Variants in AUTS2 observed in about 807,000 individuals in gnomAD.
AUTS2 encodes autism susceptibility gene 2 protein.
In AUTS2, 17 loss-of-function variants were observed where a neutral mutation model predicts 112.4. The observed-to-expected ratio is 0.15, with a 90% confidence interval of 0.10 to 0.23. The LOEUF is 0.23. Among genes scored for constraint, AUTS2 ranks in the 10% least tolerant of loss-of-function variants. The pLI is 1.00. For missense variants in AUTS2, 1,510 were observed against 1,701.6 expected, an observed-to-expected ratio of 0.89 and a Z score of 1.98; for synonymous variants, 751 against 702.7, an observed-to-expected ratio of 1.07 and a Z score of -1.09.
At chr7:70,632,606 C>T (rs1461118539) in intron 5 of AUTS2, among the ~76,000 whole-genome samples, 1 of 151,994 alleles carries the variant, frequency 6.6e-6, no homozygotes, top group African/African-American at 2.4e-5. Context: ...CTCTGGCTCC[C>T]ACGTCTTCCC....
rs187213804 is a variant in AUTS2 at position 70,153,003 on chromosome 7, C to T, written c.660+18432C>T. On this transcript the variant is annotated intron_variant, in intron 4 of 18. Coordinates refer to ENST00000342771, the MANE Select transcript of AUTS2 (RefSeq NM_015570.4). ...TTAAAGATACAACCAATTGAGAGAA[C>T]AGTTTGATAATTTATTAAAATGTTA... is the stretch of plus-strand genomic sequence containing the variant. Among the ~76,000 whole-genome samples, 24 of 152,172 alleles carry T rather than the reference C, an allele frequency of 1.6e-4. No homozygotes were observed. In the East Asian group the frequency reaches 4.1e-3, roughly 26 times the overall value.
chr7:69,941,303 G>A (rs1055609185), intron 2 of AUTS2, among the ~76,000 whole-genome samples: 3 of 152,156 alleles, frequency 2.0e-5, no homozygotes, highest in African/African-American at 7.2e-5. Flanking sequence ...CATCTATAAG[G>A]AATTGCCACT....
rs76603545 is a variant in AUTS2 at position 70,568,249 on chromosome 7, C to G, written c.691-130320C>G. On this transcript the variant is annotated intron_variant, in intron 5 of 18. Coordinates refer to ENST00000342771, the MANE Select transcript of AUTS2 (RefSeq NM_015570.4). ...TGAGTTCATGTGTTAGCTGTGGAGCCAGCCTGCCTGAATTTGAATCCTGAC... is the reference window on the plus strand; with the variant it reads ...TGAGTTCATGTGTTAGCTGTGGAGCGAGCCTGCCTGAATTTGAATCCTGAC... 3.3e-5 allele frequency among the ~76,000 whole-genome samples: 5 copies of G among 152,250 alleles called. No individual in the cohort carries two copies. In the East Asian group the frequency reaches 9.6e-4, roughly 29 times the overall value.
intron 4 of AUTS2, among the ~76,000 whole-genome samples, chr7:70,138,258 A>G (rs1806675723): frequency 6.6e-6 from 1 of 152,244 alleles, no homozygotes; most frequent in South Asian, 2.1e-4. Context: ...GCCCTAGCAT[A>G]TATGAACACA....
rs536983127 is a variant in AUTS2, at chr7:70,645,768, CTA to C, written c.691-52799_691-52798del. ...TAGTGTTAGCGTACTGTGCTGTATT[CTA>C]TGTCACAAATCATCAAGTCTCCCAG... On this transcript the variant is annotated intron_variant, in intron 5 of 18. Transcript: ENST00000342771. Among the ~76,000 whole-genome samples, 7 of 152,268 alleles carry C rather than the reference CTA, an allele frequency of 4.6e-5. 1 individual carries two copies. The South Asian group carries it at 1.5e-3, about 32-fold the overall frequency.
At chr7:70,368,763 CAGAACAATG>C (rs1792701650) in intron 4 of AUTS2, among the ~76,000 whole-genome samples, 1 of 151,978 alleles carries the variant, frequency 6.6e-6, no homozygotes, top group South Asian at 2.1e-4. Context: ...TGCTCAAGAC[CAGAACAATG>C]AGTAGAGCTA....
At chr7:69,937,922 A>T (rs1796477994) in intron 2 of AUTS2, among the ~76,000 whole-genome samples, 1 of 152,154 alleles carries the variant, frequency 6.6e-6, no homozygotes, top group African/African-American at 2.4e-5. Flanking sequence ...GGAGAGGCAG[A>T]GTGCACTAGA....
At position 70,049,209 on chromosome 7, in the gene AUTS2, A is replaced by G. The variant is rs575416655; in HGVS notation, c.523-68923A>G. On this transcript the variant is annotated intron_variant, in intron 2 of 18. Transcript: ENST00000342771. ...ACTTATAGGCTGTTTCAAATTTTTA[A>G]TTTATATAGTCACATTTCAATGAAC... Among the ~76,000 whole-genome samples the G allele has an allele frequency of 3.3e-5, 5 of 152,286 alleles. No homozygotes were observed. In the East Asian group the frequency reaches 9.7e-4, roughly 29 times the overall value.
chr7:70,365,374 A>G (rs1228538614), intron 4 of AUTS2, among the ~76,000 whole-genome samples: 2 of 152,228 alleles, frequency 1.3e-5, no homozygotes, highest in Non-Finnish European at 2.9e-5. Flanking sequence ...TATTAAGGGA[A>G]ATAAAGCTCA....
At chr7:70,419,148 T>G (rs931125401) in intron 4 of AUTS2, among the ~76,000 whole-genome samples, 1 of 152,214 alleles carries the variant, frequency 6.6e-6, no homozygotes, top group Non-Finnish European at 1.5e-5. Flanking sequence ...ATATGATTTT[T>G]TTTAAACTTC....
intron 5 of AUTS2, among the ~76,000 whole-genome samples, chr7:70,439,538 CAAAAAAAAA>C (rs71077657): frequency 1.4e-4 from 10 of 73,290 alleles, no homozygotes; most frequent in African/African-American, 4.2e-4. Context: ...GACTCCATCT[CAAAAAAAAA>C]AAAAAAAAAA....
At chr7:70,189,320 C>A (rs1273975924) in intron 4 of AUTS2, among the ~76,000 whole-genome samples, 1 of 152,124 alleles carries the variant, frequency 6.6e-6, no homozygotes, top group East Asian at 1.9e-4. Context: ...GTTTTTTTTA[C>A]TGTGGATAAG....
intron 5 of AUTS2, among the ~76,000 whole-genome samples, chr7:70,538,152 A>T (rs945735994): frequency 1.3e-5 from 2 of 152,126 alleles, no homozygotes; most frequent in South Asian, 4.1e-4. Flanking sequence ...CTGGAGGATC[A>T]CTTGAGCTCA....
intron 4 of AUTS2, among the ~76,000 whole-genome samples, chr7:70,236,420 T>C (rs1045665642): frequency 6.6e-6 from 1 of 152,186 alleles, no homozygotes; most frequent in African/African-American, 2.4e-5. Context: ...ATGGAGTGAA[T>C]GAACATTTTG....
At chr7:70,043,027 A>C (rs890926697) in intron 2 of AUTS2, among the ~76,000 whole-genome samples, 4 of 152,170 alleles carry the variant, frequency 2.6e-5, no homozygotes, top group South Asian at 4.1e-4. Context: ...TAAAAAAAAA[A>C]AAAAAACCTT....
At chr7:70,400,727 A>G (rs1476413551) in intron 4 of AUTS2, among the ~76,000 whole-genome samples, 4 of 152,176 alleles carry the variant, frequency 2.6e-5, no homozygotes, top group Non-Finnish European at 5.9e-5. Flanking sequence ...CGCCATGGTG[A>G]GAGCTGTGCC....
At chr7:70,002,658 C>G (rs1369202513) in intron 2 of AUTS2, among the ~76,000 whole-genome samples, 3 of 152,246 alleles carry the variant, frequency 2.0e-5, no homozygotes, top group African/African-American at 7.2e-5. Flanking sequence ...TTAGACGACA[C>G]TTACAGTGAG....
rs771101373 is a variant in AUTS2, at chr7:70,774,021, T to C, written c.1831-7T>C. 3 of 1,614,110 alleles carry C rather than the reference T, an allele frequency of 1.9e-6. No homozygotes were observed. Among genetic ancestry groups the C allele is most frequent in the East Asian group, 4.5e-5 (2 of 44,886 alleles). ...CCTAAGTAAGCTGTGGTCTAATTAA[T>C]TTGTAGACATCCAACCCTATCGATG... On this transcript the variant is annotated splice_region_variant and splice_polypyrimidine_tract_variant and intron_variant, in intron 11 of 18. Transcript: ENST00000342771.
chr7:70,030,735 C>CTATGGT (rs1226135396), intron 2 of AUTS2, among the ~76,000 whole-genome samples: 21 of 152,044 alleles, frequency 1.4e-4, no homozygotes, highest in African/African-American at 5.1e-4. Flanking sequence ...AATAGTAAAA[C>CTATGGT]GTTCATAGTT....
Sources: gnomAD v4.1 joint callset for allele counts (sites outside exome capture counted in the v4.1 genomes callset) on GRCh38, gnomAD v4.1.1 for gene constraint, MANE v1.5 for transcripts, NCBI Gene and HGNC (gene_info 2026-07-23, HGNC 2026-07-21) for gene names.